Variants in NVL observed in about 807,000 individuals in gnomAD.
The protein encoded by NVL is nuclear valosin-containing protein-like.
In NVL, 84 loss-of-function variants were observed where a neutral mutation model predicts 110.2. The ratio of observed to expected loss-of-function variants is 0.76; its 90% CI spans 0.64 to 0.91. The LOEUF (loss-of-function observed/expected upper bound fraction) is 0.91. Among genes scored for constraint, NVL ranks in the 40% least tolerant of loss-of-function variants. NVL has a pLI of 0.00. For missense variants in NVL, 882 were observed against 1,035.9 expected, an observed-to-expected ratio of 0.85 and a Z score of 2.04; for synonymous variants, 354 against 361.1, an observed-to-expected ratio of 0.98 and a Z score of 0.22.
intron 19 of NVL, among the ~76,000 whole-genome samples, chr1:224,246,838 C>A (rs1661875684): frequency 6.6e-6 from 1 of 151,896 alleles, no homozygotes; most frequent in African/African-American, 2.4e-5. Flanking sequence ...GAGTTTGAGA[C>A]CAGCCTGGCT....
At chr1:224,304,564 T>C (rs193277999) in intron 8 of NVL, among the ~76,000 whole-genome samples, 172 bp downstream of exon 8, 5 of 152,294 alleles carry the variant, frequency 3.3e-5, no homozygotes, top group Admixed American at 6.5e-5. Context: ...CAAAATAGTA[T>C]GCATCTTTTC....
intron 10 of NVL, 152 bp downstream of exon 10, chr1:224,300,410 A>G (rs1350521909): frequency 1.9e-6 from 1 of 515,252 alleles, no homozygotes; most frequent in East Asian, 3.0e-5. Context: ...TACTTTAAAT[A>G]TTTAGCCATC....
At chr1:224,296,756 C>T (rs909832268) in intron 10 of NVL, 138 bp from the exon 11 acceptor site, 1 of 550,722 alleles carries the variant, frequency 1.8e-6, no homozygotes, top group Non-Finnish European at 3.1e-6. Context: ...GAAGGCAGTT[C>T]ACATGTGTTA....
chr1:224,254,616 T>C (rs1033595062), intron 18 of NVL, among the ~76,000 whole-genome samples: 32 of 147,034 alleles, frequency 2.2e-4, no homozygotes, highest in African/African-American at 7.5e-4. Context: ...GGTTTCTCCA[T>C]GTTGGTCAGG....
At chr1:224,277,326 C>A (rs1348839827) in intron 16 of NVL, among the ~76,000 whole-genome samples, 1 of 152,176 alleles carries the variant, frequency 6.6e-6, no homozygotes, top group African/African-American at 2.4e-5. Flanking sequence ...ATATAGTAGA[C>A]TTTCCTGGAA....
chr1:224,261,657 A>G (rs1483558541), intron 18 of NVL, among the ~76,000 whole-genome samples: 1 of 152,208 alleles, frequency 6.6e-6, no homozygotes, highest in African/African-American at 2.4e-5. Context: ...AGCACACATT[A>G]GAAGAGGGCT....
At chr1:224,235,946 G>GA (rs575600764) in intron 20 of NVL, among the ~76,000 whole-genome samples, 4,710 of 137,156 alleles carry the variant, frequency 0.034, 100 homozygotes, top group Non-Finnish European at 0.044. Context: ...AAAAAAAAAA[G>GA]AAAAAAAAGA....
At chr1:224,325,508 C>T (rs1371151611) in intron 2 of NVL, among the ~76,000 whole-genome samples, 1 of 151,064 alleles carries the variant, frequency 6.6e-6, no homozygotes, top group Non-Finnish European at 1.5e-5. Context: ...CCAAGGTGGG[C>T]GGATCACCTG....
intron 2 of NVL, among the ~76,000 whole-genome samples, chr1:224,322,667 G>A (rs1572074013): frequency 1.3e-5 from 2 of 152,100 alleles, no homozygotes; most frequent in Admixed American, 1.3e-4. Flanking sequence ...TAGAAATATG[G>A]ACACCGCAGG....
chr1:224,255,028 C>T (rs1235837511), intron 18 of NVL, among the ~76,000 whole-genome samples: 2 of 151,082 alleles, frequency 1.3e-5, no homozygotes, highest in Admixed American at 6.6e-5. Context: ...TGCACCACCA[C>T]ACTCAGCTAC....
At chr1:224,298,180 G>A in intron 10 of NVL, 1 of 178,068 alleles carries the variant, frequency 5.6e-6, no homozygotes, top group Non-Finnish European at 1.2e-5. Flanking sequence ...CTCCAGCCTG[G>A]GCAACAGAAC....
intron 19 of NVL, among the ~76,000 whole-genome samples, chr1:224,242,134 C>T (rs1430245416): frequency 2.6e-5 from 4 of 151,848 alleles, no homozygotes; most frequent in Admixed American, 2.0e-4. Flanking sequence ...ATGGTGGTTG[C>T]CAGGGGTAGG....
chr1:224,237,676 C>G (rs535858555), intron 19 of NVL, among the ~76,000 whole-genome samples: 1 of 152,092 alleles, frequency 6.6e-6, no homozygotes, highest in African/African-American at 2.4e-5. Context: ...CACAAGAGAT[C>G]CTTCTACCTC....
At chr1:224,267,161 G>A (rs186741800) in intron 18 of NVL, among the ~76,000 whole-genome samples, 70 of 152,252 alleles carry the variant, frequency 4.6e-4, no homozygotes, top group African/African-American at 1.5e-3. Flanking sequence ...TTGTAACTCC[G>A]AGCCATCTTC....
At chr1:224,245,504 T>C (rs1162596468) in intron 19 of NVL, among the ~76,000 whole-genome samples, 2 of 152,216 alleles carry the variant, frequency 1.3e-5, no homozygotes, top group South Asian at 2.1e-4. Context: ...TGGGCAGCTC[T>C]GCCCAATGAG....
intron 18 of NVL, among the ~76,000 whole-genome samples, chr1:224,264,136 C>A (rs12117480): frequency 0.026 from 3,990 of 152,266 alleles, 88 homozygotes; most frequent in Non-Finnish European, 0.044. Flanking sequence ...GAAATGGATT[C>A]TCTGGTCCAG....
chr1:224,325,294 G>A (rs1671036852), intron 2 of NVL, among the ~76,000 whole-genome samples: 1 of 151,544 alleles, frequency 6.6e-6, no homozygotes, highest in Admixed American at 6.6e-5. Flanking sequence ...GAAGCTGGCT[G>A]GGCATGGTGG....
chr1:224,289,959 G>A (rs568374374), intron 12 of NVL, among the ~76,000 whole-genome samples: 2 of 152,306 alleles, frequency 1.3e-5, no homozygotes, highest in South Asian at 2.1e-4. Flanking sequence ...AACATGCTAA[G>A]TGCTGTGACG....
intron 4 of NVL, among the ~76,000 whole-genome samples, chr1:224,314,174 A>G (rs749527221): frequency 5.3e-5 from 8 of 152,192 alleles, no homozygotes; most frequent in South Asian, 2.1e-4. Flanking sequence ...TGCACTGGAA[A>G]TCTCAAAAAT....
Sources: gnomAD v4.1 joint callset for allele counts (sites outside exome capture counted in the v4.1 genomes callset) on GRCh38, gnomAD v4.1.1 for gene constraint, MANE v1.5 for transcripts, NCBI Gene and HGNC (gene_info 2026-07-23, HGNC 2026-07-21) for gene names.